CDYL2: variants seen among roughly 807,000 people sequenced by gnomAD.
CDYL2 encodes the protein chromodomain Y-like protein 2.
In CDYL2, 23 loss-of-function variants were observed where a neutral mutation model predicts 49.4. The ratio of observed to expected loss-of-function variants is 0.47; its 90% CI spans 0.34 to 0.66. The LOEUF is 0.66. Among genes scored for constraint, CDYL2 ranks in the 30% least tolerant of loss-of-function variants. The pLI is 0.01. For synonymous variants in CDYL2, 360 were observed against 268.8 expected, an observed-to-expected ratio of 1.34 and a Z score of -3.32; for missense variants, 678 against 656.4, an observed-to-expected ratio of 1.03 and a Z score of -0.36.
intron 1 of CDYL2, among the ~76,000 whole-genome samples, chr16:80,750,893 G>A (rs535634578): frequency 6.6e-6 from 1 of 152,160 alleles, no homozygotes; most frequent in South Asian, 2.1e-4. Context: ...GGTGGCGGGG[G>A]CCTGCACTCC....
At chr16:80,687,858 A>G (rs1166839487) in intron 1 of CDYL2, among the ~76,000 whole-genome samples, 2 of 152,210 alleles carry the variant, frequency 1.3e-5, no homozygotes, top group African/African-American at 2.4e-5. Context: ...ACAACTATGT[A>G]CGTTTGCATT....
At chr16:80,774,376 G>A (rs777180784) in intron 1 of CDYL2, among the ~76,000 whole-genome samples, 2 of 151,498 alleles carry the variant, frequency 1.3e-5, no homozygotes, top group Non-Finnish European at 2.9e-5. Flanking sequence ...GAGGAGAAAG[G>A]GGGTTATCAG....
chr16:80,802,368 T>A (rs916267050), intron 1 of CDYL2, among the ~76,000 whole-genome samples: 1 of 152,144 alleles, frequency 6.6e-6, no homozygotes, highest in Non-Finnish European at 1.5e-5. Context: ...CTAAACAATA[T>A]CTACTTTTAG....
At chr16:80,701,227 G>A (rs1264445266) in intron 1 of CDYL2, among the ~76,000 whole-genome samples, 1 of 152,182 alleles carries the variant, frequency 6.6e-6, no homozygotes, top group Non-Finnish European at 1.5e-5. Flanking sequence ...TGTACAGTAT[G>A]ATCCCATTTA....
intron 1 of CDYL2, among the ~76,000 whole-genome samples, chr16:80,751,683 G>A (rs1357828354): frequency 6.6e-6 from 1 of 152,222 alleles, no homozygotes; most frequent in Non-Finnish European, 1.5e-5. Flanking sequence ...AAAGAAGCAG[G>A]AGAGCTGAGC....
At chr16:80,712,123 A>G (rs900077521) in intron 1 of CDYL2, among the ~76,000 whole-genome samples, 1 of 139,710 alleles carries the variant, frequency 7.2e-6, no homozygotes, top group African/African-American at 2.8e-5. Context: ...ATATATGTGT[A>G]TATATATGTG....
chr16:80,629,521 C>A (rs1000283598), intron 3 of CDYL2, among the ~76,000 whole-genome samples: 1 of 152,120 alleles, frequency 6.6e-6, no homozygotes, highest in African/African-American at 2.4e-5. Flanking sequence ...TGAAGGAAGA[C>A]CTGGAGTCTT....
chr16:80,707,940 G>T (rs1348448060), intron 1 of CDYL2, among the ~76,000 whole-genome samples: 1 of 152,144 alleles, frequency 6.6e-6, no homozygotes, highest in Admixed American at 6.5e-5. Context: ...AGGGTGTTGG[G>T]TTACTAAGGG....
intron 1 of CDYL2, among the ~76,000 whole-genome samples, chr16:80,740,529 C>T (rs1905697885): frequency 6.6e-6 from 1 of 152,028 alleles, no homozygotes; most frequent in African/African-American, 2.4e-5. Context: ...CTAGCCAATG[C>T]AATAAGGCAG....
At chr16:80,718,691 CAGT>C (rs1346602329) in intron 1 of CDYL2, among the ~76,000 whole-genome samples, 1 of 152,162 alleles carries the variant, frequency 6.6e-6, no homozygotes, top group Admixed American at 6.5e-5. Context: ...AAGGCCACAG[CAGT>C]AGATGGTAGG....
intron 1 of CDYL2, among the ~76,000 whole-genome samples, chr16:80,711,048 T>C (rs1208878931): frequency 1.3e-5 from 2 of 152,180 alleles, no homozygotes; most frequent in African/African-American, 2.4e-5. Flanking sequence ...ATGGAAACAA[T>C]AGTCCCTTTG....
At chr16:80,715,404 T>G (rs558128600) in intron 1 of CDYL2, among the ~76,000 whole-genome samples, 1 of 152,208 alleles carries the variant, frequency 6.6e-6, no homozygotes, top group Admixed American at 6.5e-5. Context: ...GAGGAGCCAT[T>G]CTGACAACCA....
chr16:80,784,060 T>C (rs1012868166), intron 1 of CDYL2, among the ~76,000 whole-genome samples: 1 of 152,204 alleles, frequency 6.6e-6, no homozygotes, highest in African/African-American at 2.4e-5. Flanking sequence ...CTGTATATAT[T>C]TTACCACAAT....
chr16:80,749,040 C>G (rs1195511817), intron 1 of CDYL2, among the ~76,000 whole-genome samples: 1 of 151,956 alleles, frequency 6.6e-6, no homozygotes, highest in East Asian at 1.9e-4. Flanking sequence ...TGGATATACA[C>G]TGTGGTTCTA....
chr16:80,673,682 G>A (rs1208938461), intron 2 of CDYL2, among the ~76,000 whole-genome samples: 1 of 152,194 alleles, frequency 6.6e-6, no homozygotes, highest in Non-Finnish European at 1.5e-5. Context: ...TCTCCTAAAT[G>A]CCTGTGGTGG....
At chr16:80,725,704 C>A (rs984981167) in intron 1 of CDYL2, among the ~76,000 whole-genome samples, 3 of 152,206 alleles carry the variant, frequency 2.0e-5, no homozygotes, top group Non-Finnish European at 4.4e-5. Context: ...CCGGACTGAA[C>A]TGAAAAAACA....
intron 3 of CDYL2, chr16:80,627,833 C>T (rs1305140580): frequency 1.3e-5 from 2 of 152,196 alleles, no homozygotes; most frequent in African/African-American, 4.8e-5. Flanking sequence ...ATGTCCTGTA[C>T]ATTCATTGCC....
At chr16:80,795,369 G>A (rs1013647535) in intron 1 of CDYL2, among the ~76,000 whole-genome samples, 7 of 152,262 alleles carry the variant, frequency 4.6e-5, no homozygotes, top group East Asian at 1.9e-4. Context: ...ATTTGGCAGC[G>A]GTGGCCTTTA....
chr16:80,602,592 G>C lies in CDYL2; in HGVS notation c.*1796C>G, dbSNP rs1597115946. ...CACCTGATTGCCAGGAAAAGATAAAGGACCACAGAGAGTTAGAGAACTGTC... is the reference window on the plus strand; with the variant it reads ...CACCTGATTGCCAGGAAAAGATAAACGACCACAGAGAGTTAGAGAACTGTC... On this transcript the variant is annotated 3_prime_UTR_variant, in exon 7 of 7. Transcript: ENST00000570137. 1 of 152,306 alleles carries C rather than the reference G, an allele frequency of 6.6e-6. No homozygotes were observed. The highest frequency in any genetic ancestry group is 2.1e-4 in the South Asian group (1 of 4,806). The allele number at this position is 152,306 out of a possible 1,614,324, so 9.4% of individuals were successfully genotyped here. A position where few individuals can be genotyped will look rare whatever the true frequency, so the allele number is the denominator to read the frequency against.
Sources: allele counts gnomAD v4.1 joint callset (sites outside exome capture counted in the v4.1 genomes callset), GRCh38; gene constraint gnomAD v4.1.1; transcripts MANE v1.5; gene names NCBI Gene and HGNC (gene_info 2026-07-23, HGNC 2026-07-21).